Variants in SUPT3H observed in about 807,000 individuals in gnomAD.
SUPT3H encodes the protein SPT3 homolog, SAGA and STAGA complex component.
In SUPT3H, 44 loss-of-function variants were observed where a neutral mutation model predicts 44.3. That is an observed-to-expected ratio of 0.99 (90% CI 0.78 to 1.28). The LOEUF is 1.28. Ranked by LOEUF, SUPT3H falls within the 50% of genes most tolerant of loss-of-function variation. The pLI is 0.00. For synonymous variants in SUPT3H, 124 were observed against 125.6 expected (o/e 0.99, Z 0.09); for missense variants, 380 against 387.1 (o/e 0.98, Z 0.15).
chr6:44,851,761 G>T (rs1772920750), intron 10 of SUPT3H, among the ~76,000 whole-genome samples: 1 of 152,146 alleles, frequency 6.6e-6, no homozygotes, highest in African/African-American at 2.4e-5. Context: ...ATACTAGAGT[G>T]CCTTTTAAAA....
chr6:45,357,862 A>T (rs1428218088), intron 2 of SUPT3H, among the ~76,000 whole-genome samples: 1 of 152,070 alleles, frequency 6.6e-6, no homozygotes, highest in Non-Finnish European at 1.5e-5. Context: ...ATTCAGAGCT[A>T]CAGTCATAGG....
intron 2 of SUPT3H, among the ~76,000 whole-genome samples, chr6:45,349,194 T>C (rs2150178096): frequency 6.6e-6 from 1 of 152,316 alleles, no homozygotes; most frequent in African/African-American, 2.4e-5. Flanking sequence ...ATCGCTAGTA[T>C]TTCAGTCTAC....
chr6:45,265,953 TATA>T (rs1191592663), intron 2 of SUPT3H, among the ~76,000 whole-genome samples: 2 of 152,070 alleles, frequency 1.3e-5, no homozygotes, highest in Non-Finnish European at 2.9e-5. Context: ...TTTGCCCAAA[TATA>T]AGTCACCTTT....
rs139404595 is a variant in SUPT3H, at chr6:45,223,307, A to G, written c.102-117301T>C. Among the ~76,000 whole-genome samples the G allele has an allele frequency of 3.9e-4, 60 of 152,246 alleles. No homozygotes were observed. The East Asian group carries it at 0.011, about 29-fold the overall frequency. ...CTCTTACCATTGGGGGTAACTAGAT[A>G]AAGGATACACAGGATCTGTCTGTAT... On this transcript the variant is annotated intron_variant, in intron 2 of 10. Coordinates refer to ENST00000371459, the MANE Select transcript of SUPT3H (RefSeq NM_003599.4).
chr6:44,862,749 C>T (rs1774871905), intron 10 of SUPT3H, among the ~76,000 whole-genome samples: 1 of 151,290 alleles, frequency 6.6e-6, no homozygotes, highest in Non-Finnish European at 1.5e-5. Context: ...TTCATTTGGG[C>T]TATAATTGTC....
chr6:45,038,434 T>C (rs758559253), intron 3 of SUPT3H, among the ~76,000 whole-genome samples: 3 of 152,114 alleles, frequency 2.0e-5, no homozygotes, highest in Non-Finnish European at 4.4e-5. Flanking sequence ...ATGATTAGAG[T>C]AGCTATTCAT....
chr6:44,813,388 G>T (rs547486812), intron 11 of SUPT3H, among the ~76,000 whole-genome samples: 196 of 152,156 alleles, frequency 1.3e-3, no homozygotes, highest in African/African-American at 4.5e-3. Context: ...GTCTTGCTTT[G>T]TTGCCCAGGG....
intron 3 of SUPT3H, among the ~76,000 whole-genome samples, chr6:45,104,324 T>C (rs1327074712): frequency 6.6e-6 from 1 of 152,062 alleles, no homozygotes; most frequent in Non-Finnish European, 1.5e-5. Context: ...TCTGGTGTCC[T>C]TATAAGACAG....
intron 3 of SUPT3H, among the ~76,000 whole-genome samples, chr6:45,070,940 T>C (rs1794295729): frequency 6.6e-6 from 1 of 152,066 alleles, no homozygotes; most frequent in African/African-American, 2.4e-5. Flanking sequence ...CAAAACAAAT[T>C]CCCTATTCTT....
chr6:45,137,720 G>C (rs1804537222), intron 2 of SUPT3H, among the ~76,000 whole-genome samples: 1 of 151,530 alleles, frequency 6.6e-6, no homozygotes, highest in Admixed American at 6.6e-5. Context: ...CAATAAAGTA[G>C]AAACCAAGAA....
rs1808094466 is a variant in SUPT3H, at chr6:45,157,801, C to T, written c.102-51795G>A. ...TGACCTCGTGATCCGCCTGCCTCGG[C>T]CTCCCAAGTGCTGGGATTACAGGAG... is the stretch of plus-strand genomic sequence containing the variant. On this transcript the variant is annotated intron_variant, in intron 2 of 10. Coordinates refer to ENST00000371459, the MANE Select transcript of SUPT3H (RefSeq NM_003599.4). Among the ~76,000 whole-genome samples, 3 of 151,684 alleles carry T rather than the reference C, an allele frequency of 2.0e-5. No individual in the cohort carries two copies. In the South Asian group the frequency reaches 6.2e-4, roughly 31 times the overall value.
At position 44,884,756 on chromosome 6, in the gene SUPT3H, A is replaced by G. The variant is rs902539510; in HGVS notation, c.912+47897T>C. Among the ~76,000 whole-genome samples the G allele has an allele frequency of 2.0e-5, 3 of 152,142 alleles. No individual in the cohort carries two copies. The South Asian group carries it at 6.2e-4, about 32-fold the overall frequency. ...TTCATCTCACTAGGGAGTGCCAGAC[A>G]GTGGGCGCAGGTCAGTGGGTGCAGC... On this transcript the variant is annotated intron_variant, in intron 10 of 10. Coordinates refer to ENST00000371459, the MANE Select transcript of SUPT3H (RefSeq NM_003599.4).
At position 45,305,823 on chromosome 6, in the gene SUPT3H, G is replaced by A. The variant is rs1297226270; in HGVS notation, c.101+59378C>T. 3.9e-5 allele frequency among the ~76,000 whole-genome samples: 6 copies of A among 152,288 alleles called. No individual in the cohort carries two copies. The East Asian group carries it at 1.2e-3, about 29-fold the overall frequency. On this transcript the variant is annotated intron_variant, in intron 2 of 10. Transcript: ENST00000371459. ...CAAGCCCAGGCAATGTGGCTGCACT[G>A]GGCCCACATTTCAGATATCTGAGCC...
intron 1 of SUPT3H, among the ~76,000 whole-genome samples, chr6:45,368,539 G>A (rs1795528932): frequency 6.6e-6 from 1 of 151,992 alleles, no homozygotes; most frequent in African/African-American, 2.4e-5. Context: ...ATATTTTGGG[G>A]GACTAAATGA....
chr6:45,083,167 CATTATTATT>C (rs112983311), intron 3 of SUPT3H, among the ~76,000 whole-genome samples: 57,654 of 143,728 alleles, frequency 0.4, 11,742 homozygotes, highest in Non-Finnish European at 0.45. Flanking sequence ...ATTAAAGAAT[CATTATTATT>C]ATTATTATTA....
chr6:45,117,640 CTAATT>C (rs1280258252), intron 2 of SUPT3H, among the ~76,000 whole-genome samples: 1 of 151,958 alleles, frequency 6.6e-6, no homozygotes, highest in Non-Finnish European at 1.5e-5. Context: ...TGTACATAAT[CTAATT>C]TGTCACCAAA....
intron 2 of SUPT3H, among the ~76,000 whole-genome samples, chr6:45,247,546 G>T (rs967788705): frequency 6.6e-6 from 1 of 151,978 alleles, no homozygotes; most frequent in African/African-American, 2.4e-5. Flanking sequence ...AGTCTTAAGG[G>T]GGCTTTCTAG....
chr6:44,977,240 T>C (rs555279851), intron 6 of SUPT3H, among the ~76,000 whole-genome samples: 2 of 152,290 alleles, frequency 1.3e-5, no homozygotes, highest in African/African-American at 4.8e-5. Context: ...AAGGACTATT[T>C]TGGCAGCAAG....
At chr6:45,006,903 A>T (rs1782795665) in intron 5 of SUPT3H, among the ~76,000 whole-genome samples, 1 of 152,188 alleles carries the variant, frequency 6.6e-6, no homozygotes, top group Non-Finnish European at 1.5e-5. Flanking sequence ...TTAACTACTC[A>T]ACATACTTCT....
Sources: allele counts gnomAD v4.1 joint callset (sites outside exome capture counted in the v4.1 genomes callset), GRCh38; gene constraint gnomAD v4.1.1; transcripts MANE v1.5; gene names NCBI Gene and HGNC (gene_info 2026-07-23, HGNC 2026-07-21).